CSF2RA: variants seen among roughly 807,000 people sequenced by gnomAD.
CSF2RA encodes the protein granulocyte-macrophage colony-stimulating factor receptor subunit alpha.
Under a neutral mutation model 51.6 loss-of-function variants are expected in CSF2RA, and 42 were observed. The observed-to-expected ratio is 0.81, with a 90% CI of 0.64 to 1.05. CSF2RA has a LOEUF of 1.05. CSF2RA is among the 50% of genes least tolerant of loss of function. CSF2RA has a pLI of 0.00. For synonymous variants in CSF2RA, 222 were observed against 193.0 expected, an observed-to-expected ratio of 1.15 and a Z score of -1.24; for missense variants, 530 against 501.1, an observed-to-expected ratio of 1.06 and a Z score of -0.55.
At chrX:1,318,262 C>G in the CSF2RA span, among the ~76,000 whole-genome samples, 16 of 151,684 alleles carry the variant, frequency 1.1e-4, no homozygotes, top group Admixed American at 2.0e-4. Context: ...TTCCCGGGTT[C>G]AAGTGATTCT....
chrX:1,270,139 G>A (rs73618021), intron 1 of CSF2RA, among the ~76,000 whole-genome samples: 2,678 of 152,120 alleles, frequency 0.018, 91 homozygotes, highest in African/African-American at 0.062. Context: ...GAAAAAAGTC[G>A]TGGGGAGAGA....
rs73618051 is a variant in CSF2RA at position 1,301,350 on chromosome X, A to G, written c.946+724A>G. On this transcript the variant is annotated intron_variant, in intron 10 of 12. Transcript: ENST00000381529. ...CTGTCTCAAAAAAAAAAAAAAAAAA[A>G]AAAAGAAAAAGTAGAAGGAGGTGGT... 5.4e-4 allele frequency among the ~76,000 whole-genome samples: 79 copies of G among 146,908 alleles called. 1 individual carries two copies. The highest frequency in any genetic ancestry group is 2.1e-3 in the Admixed American group (31 of 14,880).
At chrX:1,284,468 A>T (rs368740945) in intron 3 of CSF2RA, among the ~76,000 whole-genome samples, 7,079 of 28,714 alleles carry the variant, frequency 0.25, 9 homozygotes, top group East Asian at 0.35. Context: ...TTACTCTGTC[A>T]CCCAGGCTGG....
chrX:1,308,538 T>G (rs1446346473), intron 12 of CSF2RA, among the ~76,000 whole-genome samples: 1 of 151,940 alleles, frequency 6.6e-6, no homozygotes, highest in Admixed American at 6.6e-5. Context: ...TCTCTCCAGC[T>G]CAGGGGCTGT....
intron 10 of CSF2RA, among the ~76,000 whole-genome samples, chrX:1,302,222 G>A (rs1270998390): frequency 6.6e-6 from 1 of 152,056 alleles, no homozygotes. Context: ...GTCCGGGGAA[G>A]CTCTCTTCAA....
intron 4 of CSF2RA, among the ~76,000 whole-genome samples, chrX:1,287,484 C>A (rs1185187433): frequency 6.7e-6 from 1 of 149,506 alleles, no homozygotes; most frequent in African/African-American, 2.5e-5. Flanking sequence ...CGCTCTGTCG[C>A]CCAGGCTGGA....
chrX:1,313,518 T>A (rs1390814239), downstream of CSF2RA, among the ~76,000 whole-genome samples: 1 of 146,612 alleles, frequency 6.8e-6, no homozygotes, highest in East Asian at 2.0e-4. Flanking sequence ...AAAACCAGCC[T>A]GGCCAACATG....
chrX:1,322,557 A>C, the CSF2RA span, among the ~76,000 whole-genome samples: 6 of 145,774 alleles, frequency 4.1e-5, no homozygotes, highest in Non-Finnish European at 5.9e-5. Context: ...TTCAGTGCTC[A>C]TTTCATGGAA....
At position 1,302,303 on chromosome X, in the gene CSF2RA, G is replaced by C. The variant is rs577171345; in HGVS notation, c.947-1620G>C. On this transcript the variant is annotated intron_variant, in intron 10 of 12. Transcript: ENST00000381529. ...AAGATGATTTTGAGGGCTCCAAATTGAAAAGGGGAAGGGGCAGGATATTGA... is the reference window on the plus strand; with the variant it reads ...AAGATGATTTTGAGGGCTCCAAATTCAAAAGGGGAAGGGGCAGGATATTGA... 6.6e-5 allele frequency among the ~76,000 whole-genome samples: 10 copies of C among 152,124 alleles called. No individual in the cohort carries two copies. The East Asian group carries it at 1.9e-3, about 29-fold the overall frequency.
intron 5 of CSF2RA, 55 bp from the exon 6 acceptor site, chrX:1,288,704 A>C: frequency 6.2e-7 from 1 of 1,613,962 alleles, no homozygotes; most frequent in Non-Finnish European, 8.5e-7. Context: ...CCAGCATCAA[A>C]GTACATCCCG....
At chrX:1,286,178 CAGAAGAATTACTCGAACCCGGG>C (rs2090627082) in intron 4 of CSF2RA, among the ~76,000 whole-genome samples, 1 of 151,824 alleles carries the variant, frequency 6.6e-6, no homozygotes, top group Non-Finnish European at 1.5e-5. Context: ...AGGCTGAGGG[CAGAAGAATTACTCGAACCCGGG>C]AGGTGGAAGT....
the CSF2RA span, among the ~76,000 whole-genome samples, chrX:1,320,664 ATTT>A: frequency 0.02 from 2,465 of 123,364 alleles, 56 homozygotes; most frequent in African/African-American, 0.065. Flanking sequence ...TGCCCAGCTA[ATTT>A]TTTTTTTTTT....
intron 6 of CSF2RA, 63 bp downstream of exon 6, chrX:1,288,951 G>A (rs2091076355): frequency 1.9e-6 from 3 of 1,604,190 alleles, no homozygotes; most frequent in Non-Finnish European, 2.6e-6. Context: ...AAATCATGCT[G>A]GTTTTCTTTT....
intron 1 of CSF2RA, among the ~76,000 whole-genome samples, chrX:1,269,358 C>A (rs1384345029): frequency 2.0e-5 from 3 of 151,886 alleles, no homozygotes; most frequent in Non-Finnish European, 2.9e-5. Context: ...TGGTGGCTCA[C>A]GCCTGTAATC....
chrX:1,322,169 A>C, the CSF2RA span, among the ~76,000 whole-genome samples: 1 of 150,762 alleles, frequency 6.6e-6, no homozygotes, highest in Non-Finnish European at 1.5e-5. Flanking sequence ...GCAATGGCGC[A>C]ATCTCTGGTC....
At chrX:1,295,813 C>T (rs1368744784) in intron 9 of CSF2RA, among the ~76,000 whole-genome samples, 7 of 147,738 alleles carry the variant, frequency 4.7e-5, no homozygotes, top group Non-Finnish European at 7.5e-5. Flanking sequence ...GGAAGAGACC[C>T]TGCCCCACGT....
the CSF2RA span, among the ~76,000 whole-genome samples, chrX:1,318,955 G>GC: frequency 1.4e-5 from 2 of 147,448 alleles, no homozygotes; most frequent in African/African-American, 2.5e-5. Flanking sequence ...GCTTCCTTTC[G>GC]CCCCCTGGTG....
At chrX:1,281,461 T>A (rs1202420515) in intron 2 of CSF2RA, among the ~76,000 whole-genome samples, 1 of 142,852 alleles carries the variant, frequency 7.0e-6, no homozygotes, top group African/African-American at 2.7e-5. Context: ...CTTCTCCTCC[T>A]CCTCCTTCTC....
At chrX:1,309,102 G>T (rs757745021) in intron 12 of CSF2RA, among the ~76,000 whole-genome samples, 1 of 152,184 alleles carries the variant, frequency 6.6e-6, no homozygotes, top group East Asian at 1.9e-4. Flanking sequence ...GGCTAAAGGG[G>T]GAAAGGTGGG....
Sources: allele counts gnomAD v4.1 joint callset (sites outside exome capture counted in the v4.1 genomes callset), GRCh38; gene constraint gnomAD v4.1.1; transcripts MANE v1.5; gene names NCBI Gene and HGNC (gene_info 2026-07-23, HGNC 2026-07-21).